The following CTNND2 variants were observed in gnomAD, a reference collection of about 807,000 sequenced individuals.
CTNND2 encodes the protein catenin delta-2.
In CTNND2, 22 loss-of-function variants were observed where a neutral mutation model predicts 144.4. The observed-to-expected ratio is 0.15, with a 90% CI of 0.11 to 0.22. The LOEUF is 0.22. Ranked by LOEUF, CTNND2 falls within the 10% of genes least tolerant of loss-of-function variation. The pLI, the probability that CTNND2 is intolerant of heterozygous loss-of-function variation, is 1.00. For synonymous variants in CTNND2, 751 were observed against 695.6 expected (o/e 1.08, Z -1.25); for missense variants, 1,353 against 1,618.8 (o/e 0.84, Z 2.82).
At chr5:11,778,319 G>T (rs996227780) in intron 1 of CTNND2, among the ~76,000 whole-genome samples, 1 of 152,020 alleles carries the variant, frequency 6.6e-6, no homozygotes, top group African/African-American at 2.4e-5. Flanking sequence ...CGGGGCAGGG[G>T]GGCAGTGGTG....
chr5:11,654,846 CT>C (rs1238009829), intron 2 of CTNND2, among the ~76,000 whole-genome samples: 2 of 149,934 alleles, frequency 1.3e-5, no homozygotes, highest in Non-Finnish European at 3.0e-5. Flanking sequence ...AAGCTTTTAG[CT>C]TAGTTCCATC....
chr5:11,645,115 A>C (rs1028535859), intron 2 of CTNND2, among the ~76,000 whole-genome samples: 4 of 152,064 alleles, frequency 2.6e-5, no homozygotes, highest in Admixed American at 2.0e-4. Flanking sequence ...ATAAGCGTGC[A>C]CCACCATGCC....
At position 11,070,132 on chromosome 5, in the gene CTNND2, T is replaced by C. The variant is rs567290166; in HGVS notation, c.2788+12564A>G. Among the ~76,000 whole-genome samples the C allele has an allele frequency of 5.9e-5, 9 of 152,252 alleles. No homozygotes were observed. In the South Asian group the frequency reaches 1.9e-3, roughly 32 times the overall value. On this transcript the variant is annotated intron_variant, in intron 16 of 21. Transcript: ENST00000304623. ...AAATTAAGAGAAAATAAAGTTATCA[T>C]AGGCAAATCCACAATAATATAGATG...
chr5:11,864,303 A>G lies in CTNND2; in HGVS notation c.37+39514T>C, dbSNP rs570510726. Among the ~76,000 whole-genome samples, 7 of 152,284 alleles carry G rather than the reference A, an allele frequency of 4.6e-5. No individual in the cohort carries two copies. The South Asian group carries it at 1.0e-3, about 23-fold the overall frequency. On this transcript the variant is annotated intron_variant, in intron 1 of 21. Transcript: ENST00000304623. ...GATGCTGTTCTTCCTAGAAAGTTCT[A>G]TTGCCAGTATTTAGTAGAAATCATT...
intron 20 of CTNND2, among the ~76,000 whole-genome samples, chr5:10,987,145 C>T (rs1336953089): frequency 1.3e-5 from 2 of 152,246 alleles, no homozygotes; most frequent in African/African-American, 4.8e-5. Context: ...GAAAGGTCCT[C>T]AGGGCTCCGG....
At chr5:11,142,045 G>T (rs964193303) in intron 12 of CTNND2, among the ~76,000 whole-genome samples, 1 of 152,100 alleles carries the variant, frequency 6.6e-6, no homozygotes, top group Non-Finnish European at 1.5e-5. Context: ...CCATGATGCA[G>T]CAAGAAGGCC....
chr5:11,536,402 T>C (rs1256865323), intron 3 of CTNND2, among the ~76,000 whole-genome samples: 1 of 152,110 alleles, frequency 6.6e-6, no homozygotes, highest in East Asian at 1.9e-4. Flanking sequence ...AAGAAGTTAT[T>C]GTACGAAAAA....
intron 2 of CTNND2, among the ~76,000 whole-genome samples, chr5:11,695,737 A>C (rs533335522): frequency 9.2e-5 from 14 of 152,314 alleles, no homozygotes; most frequent in African/African-American, 3.4e-4. Flanking sequence ...CTTATTTAGA[A>C]TAGTTAGGCA....
At chr5:11,400,990 A>G (rs1016469769) in intron 5 of CTNND2, among the ~76,000 whole-genome samples, 2 of 152,142 alleles carry the variant, frequency 1.3e-5, no homozygotes, top group Non-Finnish European at 2.9e-5. Context: ...ACAGAAATCC[A>G]CTTGTTTGCA....
chr5:11,596,257 A>G (rs368367264), intron 2 of CTNND2, among the ~76,000 whole-genome samples: 10 of 152,314 alleles, frequency 6.6e-5, no homozygotes, highest in Middle Eastern at 3.4e-3. Flanking sequence ...CAGCATTAAG[A>G]GTGGCATTTG....
At chr5:11,536,118 C>CA (rs573562970) in intron 3 of CTNND2, among the ~76,000 whole-genome samples, 63 of 152,316 alleles carry the variant, frequency 4.1e-4, no homozygotes, top group South Asian at 1.9e-3. Context: ...GGCTGAAGTG[C>CA]AGTGTCACTA....
intron 13 of CTNND2, among the ~76,000 whole-genome samples, chr5:11,114,693 A>G (rs1350689603): frequency 1.3e-5 from 2 of 152,152 alleles, no homozygotes; most frequent in African/African-American, 2.4e-5. Context: ...GTGCTCCACT[A>G]TATGTTATCC....
intron 2 of CTNND2, among the ~76,000 whole-genome samples, chr5:11,659,108 G>A (rs114772618): frequency 0.011 from 1,693 of 151,860 alleles, 31 homozygotes; most frequent in African/African-American, 0.039. Context: ...TCAACCAACG[G>A]CAGATCAAAA....
chr5:11,588,918 C>T (rs2251418), intron 2 of CTNND2: 246,636 of 984,992 alleles, frequency 0.25, 31,735 homozygotes, highest in African/African-American at 0.38. Flanking sequence ...TAAAAGGAAC[C>T]ACAGAGCAGC....
intron 1 of CTNND2, among the ~76,000 whole-genome samples, chr5:11,867,087 T>C (rs1461193170): frequency 1.3e-5 from 2 of 152,220 alleles, no homozygotes; most frequent in African/African-American, 4.8e-5. Context: ...ATTTTAACGC[T>C]TTCTGGACTG....
intron 2 of CTNND2, among the ~76,000 whole-genome samples, chr5:11,620,442 T>C (rs971239417): frequency 6.6e-4 from 100 of 152,280 alleles, no homozygotes; most frequent in Middle Eastern, 3.4e-3. Context: ...GCTGAAATTA[T>C]TCAAACTATC....
At chr5:11,055,130 T>C (rs114306513) in intron 16 of CTNND2, among the ~76,000 whole-genome samples, 2,799 of 152,144 alleles carry the variant, frequency 0.018, 94 homozygotes, top group African/African-American at 0.064. Context: ...TTGGAGAAGG[T>C]AGAGTTAAGG....
intron 2 of CTNND2, among the ~76,000 whole-genome samples, chr5:11,588,290 G>T (rs1357335180): frequency 6.6e-6 from 1 of 150,408 alleles, no homozygotes; most frequent in Non-Finnish European, 1.5e-5. Flanking sequence ...TCTGGATGGG[G>T]TTATTCCTTT....
At chr5:11,129,447 C>T (rs988941419) in intron 12 of CTNND2, among the ~76,000 whole-genome samples, 6 of 145,534 alleles carry the variant, frequency 4.1e-5, no homozygotes, top group Non-Finnish European at 8.9e-5. Context: ...CAGGGCATGC[C>T]AAGGCCCTCT....
Sources: gnomAD v4.1 joint callset for allele counts (sites outside exome capture counted in the v4.1 genomes callset) on GRCh38, gnomAD v4.1.1 for gene constraint, MANE v1.5 for transcripts, NCBI Gene and HGNC (gene_info 2026-07-23, HGNC 2026-07-21) for gene names.